CSMD1: variants seen among roughly 807,000 people sequenced by gnomAD.
The protein encoded by CSMD1 is CUB and Sushi multiple domains 1.
In CSMD1, 213 loss-of-function variants were observed where a neutral mutation model predicts 417.5. The observed-to-expected ratio is 0.51, with a 90% confidence interval of 0.46 to 0.57. CSMD1 has a LOEUF of 0.57. CSMD1 is among the 20% of genes least tolerant of loss of function. The probability of loss-of-function intolerance (pLI) is 0.00; values close to 1 mark genes in which losing one functional copy is unlikely to be tolerated. For missense variants in CSMD1, 6,923 were observed against 4,529.7 expected, an observed-to-expected ratio of 1.53 and a Z score of -15.17; for synonymous variants, 2,862 against 1,736.8, an observed-to-expected ratio of 1.65 and a Z score of -16.11.
intron 25 of CSMD1, among the ~76,000 whole-genome samples, chr8:3,300,021 G>T (rs1236348216): frequency 6.6e-6 from 1 of 152,046 alleles, no homozygotes; most frequent in Non-Finnish European, 1.5e-5. Context: ...CGGGGAGGAT[G>T]GTAGCATTAC....
At chr8:4,903,790 A>C (rs772145277) in intron 1 of CSMD1, among the ~76,000 whole-genome samples, 9 of 152,212 alleles carry the variant, frequency 5.9e-5, no homozygotes, top group Non-Finnish European at 1.2e-4. Context: ...TCTTAGCAGC[A>C]GGACCTACTG....
chr8:4,838,022 G>A (rs1016455826), intron 1 of CSMD1, among the ~76,000 whole-genome samples: 2 of 152,198 alleles, frequency 1.3e-5, no homozygotes, highest in African/African-American at 4.8e-5. Context: ...ATGGGCCCAG[G>A]AGCTAACTGC....
At chr8:4,391,563 G>A (rs540529326) in intron 3 of CSMD1, among the ~76,000 whole-genome samples, 1 of 152,068 alleles carries the variant, frequency 6.6e-6, no homozygotes, top group African/African-American at 2.4e-5. Flanking sequence ...GTAAGACTTG[G>A]CCAGTGACTT....
At chr8:4,959,018 CTG>C (rs1809303252) in intron 1 of CSMD1, among the ~76,000 whole-genome samples, 1 of 152,094 alleles carries the variant, frequency 6.6e-6, no homozygotes, top group South Asian at 2.1e-4. Context: ...TATGCTTTAA[CTG>C]AGATTATCAA....
Position 3,772,241 on chromosome 8 carries a change from A to G in CSMD1, c.819-18199T>C, listed in dbSNP as rs1044752086. Among the ~76,000 whole-genome samples, 3 of 146,676 alleles carry G rather than the reference A, an allele frequency of 2.0e-5. No homozygotes were observed. In the Admixed American group the frequency reaches 2.1e-4, roughly 10 times the overall value. On this transcript the variant is annotated intron_variant, in intron 5 of 69. Transcript: ENST00000635120. ...ATATAATACACACACATATTTATAT[A>G]TAGATATATACATATATTTAGACAT...
At chr8:3,940,551 A>T (rs2129757726) in intron 5 of CSMD1, among the ~76,000 whole-genome samples, 1 of 148,738 alleles carries the variant, frequency 6.7e-6, no homozygotes, top group East Asian at 2.0e-4. Context: ...ATGTGTACAT[A>T]GGTTTCTTTG....
chr8:4,579,645 AG>A (rs1374154603), intron 2 of CSMD1, among the ~76,000 whole-genome samples: 1 of 152,126 alleles, frequency 6.6e-6, no homozygotes, highest in Non-Finnish European at 1.5e-5. Context: ...TACAGGTGTG[AG>A]CCATCATGCC....
chr8:4,900,390 G>A (rs183777342), intron 1 of CSMD1, among the ~76,000 whole-genome samples: 5 of 152,154 alleles, frequency 3.3e-5, no homozygotes, highest in Admixed American at 6.5e-5. Flanking sequence ...ACCTCCTTCC[G>A]CACGCCTCTG....
At chr8:4,973,498 T>C (rs1441057220) in intron 1 of CSMD1, among the ~76,000 whole-genome samples, 8 of 152,156 alleles carry the variant, frequency 5.3e-5, no homozygotes, top group African/African-American at 1.2e-4. Context: ...AATAATACCA[T>C]AGAAACTTTG....
At chr8:3,551,141 T>C (rs1585349093) in intron 10 of CSMD1, among the ~76,000 whole-genome samples, 1 of 152,136 alleles carries the variant, frequency 6.6e-6, no homozygotes, top group Non-Finnish European at 1.5e-5. Context: ...TTCTTATCTT[T>C]AAAAAGGAAA....
In CSMD1 at chr8:3,573,181, G is replaced by A. The variant is rs138513899; in HGVS notation, c.1344+1764C>T. Among the ~76,000 whole-genome samples the A allele has an allele frequency of 8.6e-3, 1,308 of 152,064 alleles. 13 individuals carry two copies. The highest frequency in any genetic ancestry group is 0.026 in the African/African-American group (1,090 of 41,482). On this transcript the variant is annotated intron_variant, in intron 10 of 69. Coordinates refer to ENST00000635120, the MANE Select transcript of CSMD1 (RefSeq NM_033225.6). ...AGATAATGATATTACATTTACTTAC[G>A]CAACATGTGGATTTATCTGTTTTTC...
At chr8:3,605,676 C>T (rs564987034) in intron 8 of CSMD1, among the ~76,000 whole-genome samples, 63 of 152,190 alleles carry the variant, frequency 4.1e-4, no homozygotes, top group African/African-American at 1.4e-3. Context: ...ACATGGTATC[C>T]TCGAGATAAA....
In CSMD1 at chr8:3,225,931, G is replaced by C. The variant is rs574971455; in HGVS notation, c.4346-2064C>G. Among the ~76,000 whole-genome samples, 16 of 152,318 alleles carry C rather than the reference G, an allele frequency of 1.1e-4. No homozygotes were observed. The East Asian group carries it at 2.3e-3, about 22-fold the overall frequency. On this transcript the variant is annotated intron_variant, in intron 27 of 69. Transcript: ENST00000635120. The stretch of plus-strand genomic sequence containing the variant: ...ATTCTCCAGAAGGAATAGACAAAGA[G>C]ATAAAATCCACCTATTCTTTTCGAC...
chr8:4,308,943 C>A (rs11779241), intron 3 of CSMD1, among the ~76,000 whole-genome samples: 95,968 of 151,832 alleles, frequency 0.63, 31,316 homozygotes, highest in East Asian at 0.86. Flanking sequence ...TTTTTAAAGA[C>A]TCTCAAATAC....
At chr8:3,638,125 AG>A (rs1407302083) in intron 7 of CSMD1, among the ~76,000 whole-genome samples, 1 of 152,180 alleles carries the variant, frequency 6.6e-6, no homozygotes, top group African/African-American at 2.4e-5. Flanking sequence ...AAGCAGGTTG[AG>A]TCTTAAACGT....
chr8:4,496,993 G>A lies in CSMD1; in HGVS notation c.303-76928C>T, dbSNP rs147001683. On this transcript the variant is annotated intron_variant, in intron 2 of 69. Transcript: ENST00000635120. Reference sequence around the variant, plus strand: ...TACAAAACGAAAGGGAGACAATAAGGCTTGAAAAGAAACACTTACAAAAAT... The same window carrying A: ...TACAAAACGAAAGGGAGACAATAAGACTTGAAAAGAAACACTTACAAAAAT... 4.5e-3 allele frequency among the ~76,000 whole-genome samples: 684 copies of A among 152,178 alleles called. 11 individuals carry two copies. The highest frequency in any genetic ancestry group is 0.036 in the Admixed American group (545 of 15,268).
At chr8:3,730,032 C>A (rs1223356158) in intron 6 of CSMD1, among the ~76,000 whole-genome samples, 2 of 149,596 alleles carry the variant, frequency 1.3e-5, no homozygotes, top group Non-Finnish European at 2.9e-5. Context: ...GGTCGAAGCG[C>A]TGCAAGTGTT....
chr8:3,342,496 A>G lies in CSMD1; in HGVS notation c.3631+798T>C, dbSNP rs554869441. On this transcript the variant is annotated intron_variant, in intron 23 of 69. Transcript: ENST00000635120. ...CTTTAAACATTTTAATTAATTAGTT[A>G]ATTTTAATTACTTATCCACACCAAA... Among the ~76,000 whole-genome samples the G allele has an allele frequency of 3.3e-5, 5 of 152,346 alleles. No homozygotes were observed. In the South Asian group the frequency reaches 1.0e-3, roughly 32 times the overall value.
chr8:3,307,832 C>A lies in CSMD1; in HGVS notation c.3824-11G>T. The A allele has an allele frequency of 6.2e-7, 1 of 1,607,246 alleles. No homozygotes were observed. The highest frequency in any genetic ancestry group is 8.5e-7 in the Non-Finnish European group (1 of 1,177,870). ...GACCACCACATTCCGCTGTAGAAGA[C>A]ACAGAGAGATGGGAACGTTCAGCTT... On this transcript the variant is annotated splice_polypyrimidine_tract_variant and intron_variant, in intron 24 of 69. Transcript: ENST00000635120.
Sources: gnomAD v4.1 joint callset for allele counts (sites outside exome capture counted in the v4.1 genomes callset) on GRCh38, gnomAD v4.1.1 for gene constraint, MANE v1.5 for transcripts, NCBI Gene and HGNC (gene_info 2026-07-23, HGNC 2026-07-21) for gene names.